The following LINGO2 variants were observed in gnomAD, a reference collection of about 807,000 sequenced individuals.
The protein encoded by LINGO2 is leucine-rich repeat and immunoglobulin-like domain-containing nogo receptor-interacting protein 2.
Under a neutral mutation model 30.6 loss-of-function variants are expected in LINGO2, and 14 were observed. The observed-to-expected ratio is 0.46, with a 90% CI of 0.30 to 0.72. The LOEUF (loss-of-function observed/expected upper bound fraction) is 0.72, where lower values mean the gene tolerates loss of function less well. Ranked by LOEUF, LINGO2 falls within the 30% of genes least tolerant of loss-of-function variation. The pLI is 0.07. For missense variants in LINGO2, 729 were observed against 751.7 expected (o/e 0.97, Z 0.35); for synonymous variants, 317 against 288.5 (o/e 1.10, Z -1.00).
intron 3 of LINGO2, among the ~76,000 whole-genome samples, chr9:28,314,599 C>T (rs1239380991): frequency 6.6e-6 from 1 of 152,136 alleles, no homozygotes; most frequent in Non-Finnish European, 1.5e-5. Flanking sequence ...TGTTGATGAC[C>T]ATCACAAAAC....
At chr9:28,169,793 C>G (rs987312594) in intron 4 of LINGO2, among the ~76,000 whole-genome samples, 8 of 152,120 alleles carry the variant, frequency 5.3e-5, no homozygotes, top group Admixed American at 5.2e-4. Context: ...TTATGTATTT[C>G]CCAGATGAGA....
chr9:28,812,458 G>C, the LINGO2 span, among the ~76,000 whole-genome samples: 1 of 152,100 alleles, frequency 6.6e-6, no homozygotes, highest in African/African-American at 2.4e-5. Flanking sequence ...TGCCCCATTC[G>C]CCTGAGAAAT....
At chr9:28,236,766 G>A (rs1821581445) in intron 4 of LINGO2, among the ~76,000 whole-genome samples, 1 of 151,912 alleles carries the variant, frequency 6.6e-6, no homozygotes, top group Non-Finnish European at 1.5e-5. Context: ...GAAGGGAAGT[G>A]GAAATGGTTA....
chr9:28,049,809 G>A (rs766995011), intron 4 of LINGO2, among the ~76,000 whole-genome samples: 2 of 150,436 alleles, frequency 1.3e-5, no homozygotes, highest in Non-Finnish European at 2.9e-5. Flanking sequence ...AGATCATGGA[G>A]AACTTCTTCA....
chr9:28,294,712 G>A (rs1439021569), intron 4 of LINGO2, among the ~76,000 whole-genome samples: 1 of 152,072 alleles, frequency 6.6e-6, no homozygotes, highest in Admixed American at 6.6e-5. Context: ...TAAATAACAG[G>A]TGAATAGATT....
intron 5 of LINGO2, among the ~76,000 whole-genome samples, chr9:27,994,880 GCTTTGT>G (rs1821580590): frequency 3.3e-5 from 5 of 152,094 alleles, no homozygotes; most frequent in Non-Finnish European, 7.4e-5. Flanking sequence ...CTTGCAGCTT[GCTTTGT>G]CTTATCTTTT....
chr9:28,983,118 C>A, the LINGO2 span, among the ~76,000 whole-genome samples: 1 of 151,842 alleles, frequency 6.6e-6, no homozygotes, highest in African/African-American at 2.4e-5. Context: ...AGACAAAACG[C>A]TATCTGTGTG....
At chr9:28,032,753 C>G (rs1047407545) in intron 4 of LINGO2, among the ~76,000 whole-genome samples, 2 of 152,214 alleles carry the variant, frequency 1.3e-5, no homozygotes, top group Non-Finnish European at 2.9e-5. Context: ...GCCAGAAACA[C>G]TCCACATTTT....
At chr9:28,825,686 A>G in the LINGO2 span, among the ~76,000 whole-genome samples, 4 of 152,022 alleles carry the variant, frequency 2.6e-5, no homozygotes, top group African/African-American at 7.2e-5. Context: ...GCTATTTCCC[A>G]AATATTTGGT....
the LINGO2 span, among the ~76,000 whole-genome samples, chr9:28,829,289 CA>C: frequency 2.0e-5 from 3 of 152,096 alleles, no homozygotes; most frequent in South Asian, 6.2e-4. Context: ...CTTACATTGG[CA>C]ATAAAATCCT....
rs369207564 is a variant in LINGO2, at chr9:28,148,870, G to C, written c.-86-136465C>G. On this transcript the variant is annotated intron_variant, in intron 4 of 5. Transcript: ENST00000379992. This position sits in a 1 kb window ranked among gnomAD's most constrained non-coding sequence, Gnocchi z 5.1. Reference sequence around the variant, plus strand: ...CCAGCTCTCCAGGCTTGCTGATGGTGGGGGAGGACATGCAGCCCAAGGATC... The same window carrying C: ...CCAGCTCTCCAGGCTTGCTGATGGTCGGGGAGGACATGCAGCCCAAGGATC... 2.1e-5 allele frequency: 32 copies of C among 1,533,718 alleles called. No homozygotes were observed. Among genetic ancestry groups the C allele is most frequent in the East Asian group, 2.0e-4 (8 of 40,898 alleles).
intron 4 of LINGO2, among the ~76,000 whole-genome samples, chr9:28,077,971 G>T (rs1389333240): frequency 6.7e-6 from 1 of 149,090 alleles, no homozygotes; most frequent in Non-Finnish European, 1.5e-5. Flanking sequence ...AGAATGATGT[G>T]GTTGTAATCT....
the LINGO2 span, among the ~76,000 whole-genome samples, chr9:28,860,073 A>T: frequency 2.6e-5 from 4 of 152,082 alleles, no homozygotes; most frequent in Non-Finnish European, 5.9e-5. Flanking sequence ...ATAAAACATA[A>T]ATATTTTAAA....
At chr9:28,267,187 A>ACT (rs915229740) in intron 4 of LINGO2, among the ~76,000 whole-genome samples, 1 of 151,820 alleles carries the variant, frequency 6.6e-6, no homozygotes, top group Non-Finnish European at 1.5e-5. Context: ...GGATTAAAAT[A>ACT]CTCCAGAACA....
intron 2 of LINGO2, among the ~76,000 whole-genome samples, chr9:28,458,516 C>A (rs761002151): frequency 6.6e-6 from 1 of 152,070 alleles, no homozygotes; most frequent in East Asian, 1.9e-4. Flanking sequence ...AATATACTTG[C>A]GTCTCTTTTT....
intron 2 of LINGO2, among the ~76,000 whole-genome samples, chr9:28,471,206 A>T (rs1223932962): frequency 1.3e-5 from 2 of 152,188 alleles, no homozygotes; most frequent in Admixed American, 6.6e-5. Flanking sequence ...TAAAGAAAAT[A>T]AGTTTAGTTG....
chr9:28,245,022 A>G (rs560198875), intron 4 of LINGO2, among the ~76,000 whole-genome samples: 1 of 152,348 alleles, frequency 6.6e-6, no homozygotes, highest in African/African-American at 2.4e-5. Flanking sequence ...GTTCAGGCCA[A>G]CATTCCTGAT....
At chr9:28,490,065 T>G (rs1488856717) in intron 1 of LINGO2, among the ~76,000 whole-genome samples, 1 of 152,126 alleles carries the variant, frequency 6.6e-6, no homozygotes, top group Non-Finnish European at 1.5e-5. Flanking sequence ...GACTCAGTCT[T>G]GGCATAAAAT....
the LINGO2 span, among the ~76,000 whole-genome samples, chr9:28,901,746 G>A: frequency 0.15 from 23,279 of 151,306 alleles, 1,848 homozygotes; most frequent in South Asian, 0.2. Flanking sequence ...AATACTGCTA[G>A]AGAAAATAAT....
Sources: allele counts gnomAD v4.1 joint callset (sites outside exome capture counted in the v4.1 genomes callset), GRCh38; gene constraint gnomAD v4.1.1; non-coding constraint Gnocchi (gnomAD v3.1); transcripts MANE v1.5; gene names NCBI Gene and HGNC (gene_info 2026-07-23, HGNC 2026-07-21).